The following INTS1 variants were observed in gnomAD, a reference collection of about 807,000 sequenced individuals.
INTS1 encodes the protein integrator complex subunit 1.
In INTS1, 137 loss-of-function variants were observed where a neutral mutation model predicts 241.6. That is an observed-to-expected ratio of 0.57 (90% CI 0.49 to 0.65). INTS1 has a LOEUF of 0.65. INTS1 is among the 30% of genes least tolerant of loss of function. The pLI is 0.00. For synonymous variants in INTS1, 1,692 were observed against 1,337.8 expected (o/e 1.26, Z -5.78); for missense variants, 3,073 against 3,032.2 (o/e 1.01, Z -0.32).
rs375991894 is a variant in INTS1, at chr7:1,499,076, C to A, written c.1036G>T (p.Val346Phe). ...AGGAGCCGCAGGAGGTTCCTGGAGA[C>A]GTTGTCGATGGGCTGGCGCCGGTTC... is the stretch of plus-strand genomic sequence containing the variant. ...QLNRRQPIDNVSRNLLRLLTS... is the reference protein window; with the variant it reads ...QLNRRQPIDNFSRNLLRLLTS... The change falls in exon 8 of 48, where the codon GTC becomes TTC. Residue 346 changes from valine (V) to phenylalanine (F), a missense_variant. Coordinates refer to ENST00000404767, the MANE Select transcript of INTS1 (RefSeq NM_001080453.3). 1 of 1,608,482 alleles carries A rather than the reference C, an allele frequency of 6.2e-7. No homozygotes were observed. Among genetic ancestry groups the A allele is most frequent in the African/African-American group, 1.3e-5 (1 of 74,906 alleles).
chr7:1,481,021 G>A lies in INTS1; in HGVS notation c.3851-88C>T. 1.0e-6 allele frequency: 1 copy of A among 960,724 alleles called. No homozygotes were observed. Among genetic ancestry groups the A allele is most frequent in the Non-Finnish European group, 1.6e-6 (1 of 616,532 alleles). 59.5% of individuals were successfully genotyped at this position (960,724 alleles called of 1,614,324 possible). The stretch of plus-strand genomic sequence containing the variant: ...CTCCACAGAAACCAGAGTTGGAGAT[G>A]CCCCCACCGTCACCAGCACTTCCCA... On this transcript the variant is annotated intron_variant, in intron 28 of 47. Coordinates refer to ENST00000404767, the MANE Select transcript of INTS1 (RefSeq NM_001080453.3). This position sits in a 1 kb window ranked among gnomAD's most constrained non-coding sequence, Gnocchi z 6.8.
At chr7:1,502,774 A>G in intron 3 of INTS1, 127 bp downstream of exon 3, 1 of 1,032,152 alleles carries the variant, frequency 9.7e-7, no homozygotes. Context: ...ACAAGCCACA[A>G]ACATCCGCTC....
chr7:1,478,568 C>A, intron 32 of INTS1, 62 bp from the exon 33 acceptor site: 1 of 1,565,000 alleles, frequency 6.4e-7, no homozygotes, highest in South Asian at 1.2e-5. Flanking sequence ...TGTATCCCAT[C>A]CAGGGAGGCC....
In INTS1 at chr7:1,472,297, G is replaced by C. The variant is rs554977966; in HGVS notation, c.6160C>G (p.Leu2054Val). ...AAEMAPYMKR[L>V]SRGQTVEDLL... is the part of the protein sequence containing the mutation. ...CCCTCCACCGTTTGGCCCCGGGAAA[G>C]CCGTTTCATGTAGGGGGCCATCTCG... The change falls in exon 44 of 48, where the codon CTT becomes GTT. Residue 2054 changes from leucine (L) to valine (V), a missense_variant. Leu to Val is a conservative substitution (Grantham distance 32). Transcript: ENST00000404767. 15 of 1,560,726 alleles carry C rather than the reference G, an allele frequency of 9.6e-6. No individual in the cohort carries two copies. The highest frequency in any genetic ancestry group is 1.2e-5 in the Non-Finnish European group (14 of 1,153,072).
At chr7:1,486,591 G>C (rs539539756) in intron 22 of INTS1, 34 bp downstream of exon 22, 2 of 1,599,712 alleles carry the variant, frequency 1.3e-6, no homozygotes. Context: ...TAAACATGAA[G>C]AGCGTGCGCA....
rs1367961721 is a variant in INTS1 at position 1,486,688 on chromosome 7, C to T, written c.2913G>A (p.Val971=). 2 of 1,612,516 alleles carry T rather than the reference C, an allele frequency of 1.2e-6. No homozygotes were observed. Among genetic ancestry groups the T allele is most frequent in the East Asian group, 2.2e-5 (1 of 44,882 alleles). The change falls in exon 22 of 48, where the codon GTG becomes GTA. Residue 971 remains valine, a synonymous_variant. Transcript: ENST00000404767. ...PKADEQTTCE[V]LDYFLRRLGS... ...CGAGGCGCCGCAAGAAGTAGTCCAG[C>T]ACCTCACACGTGGTCTGCTCATCAG...
rs767691124 is a variant in INTS1, at chr7:1,496,203, G to A, written c.1664C>T (p.Ala555Val). 1.2e-5 allele frequency: 19 copies of A among 1,613,726 alleles called. No homozygotes were observed. The highest frequency in any genetic ancestry group is 5.5e-5 in the South Asian group (5 of 91,092). ...GGCGATGCCGGCCTCCTTCACCTGC[G>A]CTGTGATGCCCAGCATCATGGACAC... ...LAVSMMLGITAQVKEAGIAWD... is the reference protein window; with the variant it reads ...LAVSMMLGITVQVKEAGIAWD... The change falls in exon 12 of 48, where the codon GCG becomes GTG. Residue 555 changes from alanine (A) to valine (V), a missense_variant. By Grantham distance (64) the Ala-to-Val change is moderately conservative. Coordinates refer to ENST00000404767, the MANE Select transcript of INTS1 (RefSeq NM_001080453.3).
chr7:1,500,204 T>C lies in INTS1; in HGVS notation c.512A>G (p.Lys171Arg). 1 of 1,600,812 alleles carries C rather than the reference T, an allele frequency of 6.2e-7. No homozygotes were observed. The highest frequency in any genetic ancestry group is 2.3e-5 in the East Asian group (1 of 44,382). ...GCCCTCAGTGGCGAAGATGTTGGGC[T>C]TGATCTTGGCCAGGTACATGAGGCT... ...YLSLMYLAKIKPNIFATEGVI... is the reference protein window; with the variant it reads ...YLSLMYLAKIRPNIFATEGVI... Residue 171 changes from lysine (K) to arginine (R), a missense_variant, in exon 4 of 48, where the codon AAG becomes AGG. Transcript: ENST00000404767.
rs1782916470 is a variant in INTS1, at chr7:1,497,396, A to T, written c.1426-82T>A. Reference sequence around the variant, plus strand: ...GCCCCTTCCCGCAGCACCAACAGGTATGGCGCCCGAGGGCGCTGCAGTGGG... The same window carrying T: ...GCCCCTTCCCGCAGCACCAACAGGTTTGGCGCCCGAGGGCGCTGCAGTGGG... On this transcript the variant is annotated intron_variant, in intron 10 of 47. Transcript: ENST00000404767. The surrounding 1 kb of genome is among the most constrained non-coding windows in gnomAD (Gnocchi z 5.3). 1.4e-6 allele frequency: 2 copies of T among 1,447,296 alleles called. No individual in the cohort carries two copies. Among genetic ancestry groups the T allele is most frequent in the African/African-American group, 2.8e-5 (2 of 70,756 alleles). 89.7% of individuals were successfully genotyped at this position (1,447,296 alleles called of 1,614,324 possible).
chr7:1,489,626 A>G lies in INTS1; in HGVS notation c.2222T>C (p.Leu741Pro). 1 of 1,591,006 alleles carries G rather than the reference A, an allele frequency of 6.3e-7. No homozygotes were observed. The highest frequency in any genetic ancestry group is 8.6e-7 in the Non-Finnish European group (1 of 1,167,740). Residue 741 changes from leucine to proline, a missense_variant, in exon 17 of 48, where the codon CTG becomes CCG. Transcript: ENST00000404767. ...STLYWKAWPL[L>P]LVVAAFNPEN... ...TGGGTTGAATGCGGCGACGACCAGC[A>G]GGAGGGGCCAGGCCTTCCAGTAGAG...
chr7:1,494,048 C>T lies in INTS1; in HGVS notation c.1911-137G>A, dbSNP rs1482845839. 12 of 1,093,158 alleles carry T rather than the reference C, an allele frequency of 1.1e-5. No homozygotes were observed. The Admixed American group carries it at 3.1e-4, about 29-fold the overall frequency. 67.7% of individuals were successfully genotyped at this position (1,093,158 alleles called of 1,614,324 possible). A position where few individuals can be genotyped will look rare whatever the true frequency, so the allele number is the denominator to read the frequency against. ...CTGCTGCTGCCTCCCACGAGCCTAT[C>T]CCCTCCAACCTGAGCCTCCCTTTGC... is the stretch of plus-strand genomic sequence containing the variant. On this transcript the variant is annotated intron_variant, in intron 14 of 47. Coordinates refer to ENST00000404767, the MANE Select transcript of INTS1 (RefSeq NM_001080453.3).
At position 1,495,468 on chromosome 7, in the gene INTS1, G is replaced by T; in HGVS notation, c.1797C>A (p.Ser599=). Residue 599 remains serine (S), a synonymous_variant, in exon 13 of 48, where the codon TCC becomes TCA. Transcript: ENST00000404767. ...AVWWLHTVVP[S]ISKLAPKDYV... is the part of the protein sequence containing the mutation. Reference sequence around the variant, plus strand: ...AGTCCTTAGGGGCGAGCTTGCTGATGGAGGGGACCACAGTGTGGAGCCACC... The same window carrying T: ...AGTCCTTAGGGGCGAGCTTGCTGATTGAGGGGACCACAGTGTGGAGCCACC... 1 of 1,612,654 alleles carries T rather than the reference G, an allele frequency of 6.2e-7. No individual in the cohort carries two copies.
Position 1,499,048 on chromosome 7 carries a change from G to T in INTS1, c.1064C>A (p.Thr355Asn), listed in dbSNP as rs771885519. 1 of 1,592,264 alleles carries T rather than the reference G, an allele frequency of 6.3e-7. No individual in the cohort carries two copies. The highest frequency in any genetic ancestry group is 8.5e-7 in the Non-Finnish European group (1 of 1,170,828). The stretch of plus-strand genomic sequence containing the variant: ...CACCTCCTTATAGCCGCAGGTGGAG[G>T]TGAGGAGCCGCAGGAGGTTCCTGGA... ...NVSRNLLRLL[T>N]STCGYKEVRL... is the part of the protein sequence containing the mutation. The change falls in exon 8 of 48, where the codon ACC (threonine) becomes AAC (asparagine). Residue 355 changes from threonine (T) to asparagine (N), a missense_variant. Thr to Asn is a moderately conservative substitution (Grantham distance 65). Coordinates refer to ENST00000404767, the MANE Select transcript of INTS1 (RefSeq NM_001080453.3).
chr7:1,478,078 G>A (rs1197037246), intron 33 of INTS1, 142 bp from the exon 34 acceptor site: 11 of 762,694 alleles, frequency 1.4e-5, no homozygotes, highest in South Asian at 3.4e-5. Flanking sequence ...AGAGAGGAGA[G>A]TGCAGCCGGG....
chr7:1,482,112 T>C (rs1042785550), intron 27 of INTS1, among the ~76,000 whole-genome samples: 2 of 152,114 alleles, frequency 1.3e-5, no homozygotes, highest in Non-Finnish European at 2.9e-5. Context: ...GTCTCCTCAC[T>C]GTGAGCAGGC....
intron 16 of INTS1, among the ~76,000 whole-genome samples, chr7:1,492,809 A>G (rs1562510962): frequency 6.7e-6 from 1 of 149,218 alleles, no homozygotes; most frequent in East Asian, 2.1e-4. Context: ...GAGCAGGCCC[A>G]TGGGGAGTGG....
At position 1,499,110 on chromosome 7, in the gene INTS1, C is replaced by A; in HGVS notation, c.1002G>T (p.Arg334=). ...TGGGCTGGCGCCGGTTCAGCTGGTC[C>A]CGCAGCATGTCCAGGACATACTCCT... ...SVEEYVLDML[R]DQLNRRQPID... The change falls in exon 8 of 48, where the codon CGG becomes CGT. Residue 334 remains arginine, a synonymous_variant. Coordinates refer to ENST00000404767, the MANE Select transcript of INTS1 (RefSeq NM_001080453.3). The A allele has an allele frequency of 6.2e-7, 1 of 1,611,464 alleles. No homozygotes were observed. The highest frequency in any genetic ancestry group is 1.7e-5 in the Admixed American group (1 of 59,932).
intron 16 of INTS1, among the ~76,000 whole-genome samples, chr7:1,492,351 C>A (rs1470060506): frequency 6.6e-6 from 1 of 152,108 alleles, no homozygotes; most frequent in African/African-American, 2.4e-5. Flanking sequence ...CAAGATCATG[C>A]ACTGTAGGAT....
intron 18 of INTS1, 141 bp from the exon 19 acceptor site, chr7:1,488,098 C>A (rs765267910): frequency 3.4e-6 from 3 of 870,644 alleles, no homozygotes. Flanking sequence ...ACAGGGCGCC[C>A]GGTAGCATCC....
Sources: allele counts gnomAD v4.1 joint callset (sites outside exome capture counted in the v4.1 genomes callset), GRCh38; gene constraint gnomAD v4.1.1; non-coding constraint Gnocchi (gnomAD v3.1); transcripts MANE v1.5; gene names NCBI Gene and HGNC (gene_info 2026-07-23, HGNC 2026-07-21).